Variants in ROBO2 observed in about 807,000 individuals in gnomAD.
ROBO2 encodes roundabout homolog 2.
ROBO2 carries 53 observed loss-of-function variants against 160.8 expected under a neutral mutation model. That is an observed-to-expected ratio of 0.33 (90% CI 0.26 to 0.41). The LOEUF (loss-of-function observed/expected upper bound fraction) is 0.41, where lower values mean the gene tolerates loss of function less well. Ranked by LOEUF, ROBO2 falls within the 10% of genes least tolerant of loss-of-function variation. The pLI is 1.00. For synonymous variants in ROBO2, 664 were observed against 611.7 expected, an observed-to-expected ratio of 1.09 and a Z score of -1.26; for missense variants, 1,577 against 1,722.4, an observed-to-expected ratio of 0.92 and a Z score of 1.49.
intron 2 of ROBO2, among the ~76,000 whole-genome samples, chr3:77,248,879 C>T (rs1435473692): frequency 6.7e-6 from 1 of 149,790 alleles, no homozygotes; most frequent in African/African-American, 2.5e-5. Flanking sequence ...ATGTGAAAGT[C>T]ATTACTTTTA....
chr3:76,154,329 G>A (rs1287232805), intron 2 of ROBO2, among the ~76,000 whole-genome samples: 1 of 152,060 alleles, frequency 6.6e-6, no homozygotes, highest in Non-Finnish European at 1.5e-5. Flanking sequence ...TAATATATTT[G>A]TGCAGCCATG....
rs2153653597 is a variant in ROBO2 at position 77,551,003 on chromosome 3, AC to A, written c.1231+15del. On this transcript the variant is annotated intron_variant, in intron 8 of 25. Coordinates refer to ENST00000461745, the Ensembl canonical transcript of ROBO2. ...AGGTTACTGATGGTGCGATATCTTT[AC>A]TAGATTTGTCTTATGAAAACATTGA... 1 of 1,611,990 alleles carries A rather than the reference AC, an allele frequency of 6.2e-7. No homozygotes were observed. The highest frequency in any genetic ancestry group is 2.2e-5 in the East Asian group (1 of 44,794).
intron 18 of ROBO2, among the ~76,000 whole-genome samples, chr3:77,596,260 CAA>C (rs2094301101): frequency 6.6e-6 from 1 of 152,100 alleles, no homozygotes; most frequent in African/African-American, 2.4e-5. Flanking sequence ...AGGAATAGCC[CAA>C]AGTCTTAGAA....
intron 2 of ROBO2, among the ~76,000 whole-genome samples, chr3:76,481,744 G>A (rs1474924992): frequency 1.3e-5 from 2 of 152,056 alleles, no homozygotes; most frequent in Non-Finnish European, 2.9e-5. Context: ...GTGGGTTTAG[G>A]TTTGAGAACC....
chr3:77,635,494 G>T (rs2095249136), intron 24 of ROBO2, among the ~76,000 whole-genome samples: 1 of 152,266 alleles, frequency 6.6e-6, no homozygotes, highest in South Asian at 2.1e-4. Context: ...TCAGGCTACA[G>T]TAGTTGAAGA....
At chr3:76,334,795 C>T (rs906704316) in intron 2 of ROBO2, among the ~76,000 whole-genome samples, 12 of 152,012 alleles carry the variant, frequency 7.9e-5, no homozygotes, top group African/African-American at 2.9e-4. Flanking sequence ...GAGAAGCAGA[C>T]CTGGTAATCC....
chr3:77,431,386 C>A (rs1218386839), intron 2 of ROBO2, among the ~76,000 whole-genome samples: 2 of 152,124 alleles, frequency 1.3e-5, no homozygotes, highest in African/African-American at 2.4e-5. Flanking sequence ...TATGAAGAAG[C>A]AAATACTAAT....
At chr3:77,188,218 C>CTTCT (rs2081461688) in intron 2 of ROBO2, among the ~76,000 whole-genome samples, 3 of 143,102 alleles carry the variant, frequency 2.1e-5, no homozygotes, top group African/African-American at 9.0e-5. Context: ...ATATTATTTG[C>CTTCT]TCTGAAGGGT....
intron 2 of ROBO2, among the ~76,000 whole-genome samples, chr3:76,547,551 A>C (rs1230471341): frequency 2.0e-5 from 3 of 152,078 alleles, no homozygotes; most frequent in Non-Finnish European, 4.4e-5. Context: ...TATAGATGTA[A>C]AATTATTATT....
chr3:77,082,290 G>C (rs1294336522), intron 1 of ROBO2, among the ~76,000 whole-genome samples: 2 of 152,146 alleles, frequency 1.3e-5, no homozygotes, highest in South Asian at 4.1e-4. Context: ...CCTTGTTCCT[G>C]TTTTGACACT....
At chr3:76,240,194 C>A (rs1179226653) in intron 2 of ROBO2, among the ~76,000 whole-genome samples, 1 of 152,058 alleles carries the variant, frequency 6.6e-6, no homozygotes, top group Admixed American at 6.6e-5. Context: ...AGGTTTGTTA[C>A]ATAGGTATAC....
intron 2 of ROBO2, among the ~76,000 whole-genome samples, chr3:76,802,937 G>T (rs1454022852): frequency 6.6e-6 from 1 of 152,098 alleles, no homozygotes; most frequent in Non-Finnish European, 1.5e-5. Context: ...CCAAGTCTAT[G>T]ATTTATGGAA....
At chr3:77,331,051 T>C (rs1439710142) in intron 2 of ROBO2, among the ~76,000 whole-genome samples, 4 of 152,196 alleles carry the variant, frequency 2.6e-5, no homozygotes, top group Admixed American at 2.0e-4. Context: ...GAATGTGCTG[T>C]TGAATTTGCG....
At chr3:77,271,486 A>G (rs2059487063) in intron 2 of ROBO2, among the ~76,000 whole-genome samples, 1 of 152,230 alleles carries the variant, frequency 6.6e-6, no homozygotes, top group African/African-American at 2.4e-5. Context: ...GGTGTTTAGA[A>G]GTAACAGCTG....
chr3:76,759,741 C>T (rs954340458), intron 2 of ROBO2, among the ~76,000 whole-genome samples: 1 of 151,756 alleles, frequency 6.6e-6, no homozygotes, highest in African/African-American at 2.4e-5. Flanking sequence ...GGTTAAGAAA[C>T]ACGGGTTCTA....
intron 5 of ROBO2, among the ~76,000 whole-genome samples, chr3:77,515,464 A>G (rs76523045): frequency 0.042 from 6,368 of 151,802 alleles, 432 homozygotes; most frequent in African/African-American, 0.14. Flanking sequence ...TTAAAATATT[A>G]CTAGGCCAAC....
chr3:76,988,199 G>A (rs566399440), intron 2 of ROBO2, among the ~76,000 whole-genome samples: 31 of 152,136 alleles, frequency 2.0e-4, no homozygotes, highest in African/African-American at 7.2e-4. Context: ...TAAAGGTAAG[G>A]CTTTTTTGCA....
chr3:77,439,364 T>C (rs1003041973), intron 2 of ROBO2, among the ~76,000 whole-genome samples: 15 of 152,202 alleles, frequency 9.9e-5, no homozygotes, highest in African/African-American at 3.4e-4. Flanking sequence ...GAGGACTATG[T>C]CATTTCTAAA....
chr3:77,297,336 AC>A (rs1243449669), intron 2 of ROBO2, among the ~76,000 whole-genome samples: 1 of 152,138 alleles, frequency 6.6e-6, no homozygotes, highest in Non-Finnish European at 1.5e-5. Context: ...ATAACAACTC[AC>A]CTGCTGGATA....
Sources: gnomAD v4.1 joint callset for allele counts (sites outside exome capture counted in the v4.1 genomes callset) on GRCh38, gnomAD v4.1.1 for gene constraint, MANE v1.5 for transcripts, NCBI Gene and HGNC (gene_info 2026-07-23, HGNC 2026-07-21) for gene names.